MAP4K1: variants seen among roughly 807,000 people sequenced by gnomAD.
The protein encoded by MAP4K1 is MAPK/ERK kinase kinase kinase 1.
MAP4K1 carries 35 observed loss-of-function variants against 122.8 expected under a neutral mutation model. That is an observed-to-expected ratio of 0.29 (90% CI 0.22 to 0.38). MAP4K1 has a LOEUF of 0.38. Among genes scored for constraint, MAP4K1 ranks in the 10% least tolerant of loss-of-function variants. The pLI, the probability that MAP4K1 is intolerant of heterozygous loss-of-function variation, is 1.00. For missense variants in MAP4K1, 791 were observed against 1,072.6 expected, an observed-to-expected ratio of 0.74 and a Z score of 3.67; for synonymous variants, 412 against 421.3, an observed-to-expected ratio of 0.98 and a Z score of 0.27.
In MAP4K1 at chr19:38,605,658, G is replaced by A; in HGVS notation, c.1273C>T (p.Leu425=). The stretch of plus-strand genomic sequence containing the variant: ...GGGGGCCCACTGGCACACCGGACCA[G>A]CACCCCCGGGCTCAGCTGCCCATCA... ...GDDGQLSPGV[L]VRCASGPPPN... is the part of the protein sequence containing the mutation. Residue 425 remains leucine (L), a synonymous_variant, in exon 18 of 31, where the codon CTG becomes TTG. Coordinates refer to ENST00000396857, the MANE Select transcript of MAP4K1 (RefSeq NM_001042600.3). The A allele has an allele frequency of 1.9e-6, 3 of 1,604,682 alleles. No individual in the cohort carries two copies. Among genetic ancestry groups the A allele is most frequent in the Non-Finnish European group, 2.5e-6 (3 of 1,177,524 alleles).
In MAP4K1 at chr19:38,597,408, G is replaced by A; in HGVS notation, c.1779-24C>T. ...TCCTGGAGAATAGGTAGGTGTGAAG[G>A]GGGGTAGGACAGCAGGAGGCAGAGG... On this transcript the variant is annotated intron_variant, in intron 23 of 30. Transcript: ENST00000396857. This position sits in a 1 kb window ranked among gnomAD's most constrained non-coding sequence, Gnocchi z 4.6. 1.2e-6 allele frequency: 2 copies of A among 1,613,904 alleles called. No individual in the cohort carries two copies. Among genetic ancestry groups the A allele is most frequent in the Non-Finnish European group, 1.7e-6 (2 of 1,179,912 alleles).
chr19:38,596,881 C>T (rs992059048), intron 25 of MAP4K1, among the ~76,000 whole-genome samples, 153 bp downstream of exon 25: 63 of 152,260 alleles, frequency 4.1e-4, no homozygotes, highest in South Asian at 4.1e-4. Context: ...GACGAGGCTC[C>T]AAGCGCAGAC....
intron 30 of MAP4K1, among the ~76,000 whole-genome samples, chr19:38,592,107 A>G (rs139787620): frequency 0.013 from 1,923 of 152,174 alleles, 42 homozygotes; most frequent in African/African-American, 0.043. Flanking sequence ...CCCCGTCTCT[A>G]CAAAAAAATT....
chr19:38,615,824 AT>A (rs1301625151), intron 4 of MAP4K1, among the ~76,000 whole-genome samples: 1 of 151,936 alleles, frequency 6.6e-6, no homozygotes, highest in East Asian at 1.9e-4. Context: ...CGCCCGGCTA[AT>A]TTTTTGTATT....
chr19:38,602,831 T>G (rs559272846), intron 19 of MAP4K1, among the ~76,000 whole-genome samples: 1 of 149,206 alleles, frequency 6.7e-6, no homozygotes, highest in East Asian at 2.0e-4. Flanking sequence ...TGTACATATA[T>G]ACGCATATAC....
intron 29 of MAP4K1, among the ~76,000 whole-genome samples, chr19:38,594,317 A>G (rs1792287084): frequency 6.6e-6 from 1 of 152,076 alleles, no homozygotes; most frequent in African/African-American, 2.4e-5. Flanking sequence ...ACTGCACTTC[A>G]GCCTGGACAA....
chr19:38,591,791 C>T (rs973411117), intron 30 of MAP4K1, among the ~76,000 whole-genome samples: 1 of 151,624 alleles, frequency 6.6e-6, no homozygotes, highest in African/African-American at 2.4e-5. Context: ...GACAACATGG[C>T]GAAAGCCTGT....
chr19:38,609,812 C>T, intron 12 of MAP4K1, 97 bp downstream of exon 12: 1 of 1,324,938 alleles, frequency 7.5e-7, no homozygotes, highest in Non-Finnish European at 1.1e-6. Context: ...TCCCTGTTTT[C>T]CCCCTAAGAG....
In MAP4K1 at chr19:38,602,920, A is replaced by G. The variant is rs1050958908; in HGVS notation, c.1447-1395T>C. The stretch of plus-strand genomic sequence containing the variant: ...TACATATATACACACATGTACACAT[A>G]TACGCATATACATATATACACATAC... On this transcript the variant is annotated intron_variant, in intron 19 of 30. Transcript: ENST00000396857. Among the ~76,000 whole-genome samples, 3 of 149,074 alleles carry G rather than the reference A, an allele frequency of 2.0e-5. No homozygotes were observed. The Admixed American group carries it at 2.0e-4, about 10-fold the overall frequency.
chr19:38,609,482 T>C, intron 13 of MAP4K1, 114 bp downstream of exon 13: 1 of 898,538 alleles, frequency 1.1e-6, no homozygotes. Context: ...GTCTGGGGTC[T>C]CTTATAGGAT....
In MAP4K1 at chr19:38,597,644, A is replaced by G. The variant is rs375533499; in HGVS notation, c.1670-50T>C. On this transcript the variant is annotated intron_variant, in intron 22 of 30. Coordinates refer to ENST00000396857, the MANE Select transcript of MAP4K1 (RefSeq NM_001042600.3). The surrounding 1 kb of genome is among the most constrained non-coding windows in gnomAD (Gnocchi z 4.6). ...GAAGCAGGAAGTTATAGGATCCCAT[A>G]TACCACTTCCTTTCCTCCATCCCTT... 1 of 1,274,864 alleles carries G rather than the reference A, an allele frequency of 7.8e-7. No homozygotes were observed. The highest frequency in any genetic ancestry group is 1.1e-6 in the Non-Finnish European group (1 of 904,882). The allele number at this position is 1,274,864 out of a possible 1,614,324, so 79.0% of individuals were successfully genotyped here.
Position 38,610,030 on chromosome 19 carries a change from C to T in MAP4K1, c.811-5G>A, listed in dbSNP as rs370510091. ...AGGCTGGGATACCAGTTGATGCTGG[C>T]GGAGGGAAGAGGTGTCCGTATCCAG... On this transcript the variant is annotated splice_polypyrimidine_tract_variant and splice_region_variant and intron_variant, in intron 11 of 30. Transcript: ENST00000396857. 362 of 1,602,270 alleles carry T rather than the reference C, an allele frequency of 2.3e-4. No homozygotes were observed. Among genetic ancestry groups the T allele is most frequent in the Admixed American group, 3.8e-4 (23 of 59,934 alleles).
intron 22 of MAP4K1, among the ~76,000 whole-genome samples, chr19:38,599,001 A>G (rs1275845064): frequency 2.4e-5 from 3 of 124,812 alleles, no homozygotes; most frequent in Non-Finnish European, 4.8e-5. Context: ...CAACAGAGTG[A>G]GAGTCTATCT....
At position 38,617,167 on chromosome 19, in the gene MAP4K1, C is replaced by G. The variant is rs1192667966; in HGVS notation, c.248+187G>C. On this transcript the variant is annotated intron_variant, in intron 3 of 30. Coordinates refer to ENST00000396857, the MANE Select transcript of MAP4K1 (RefSeq NM_001042600.3). This position sits in a 1 kb window ranked among gnomAD's most constrained non-coding sequence, Gnocchi z 4.1. The stretch of plus-strand genomic sequence containing the variant: ...AGTCTGAGGCAGAGAATTGCTTGAA[C>G]CCAGGAGGCAGAGGTTGCAGTGAGC... Among the ~76,000 whole-genome samples the G allele has an allele frequency of 6.6e-6, 1 of 151,946 alleles. No individual in the cohort carries two copies. The highest frequency in any genetic ancestry group is 1.5e-5 in the Non-Finnish European group (1 of 67,990).
intron 12 of MAP4K1, 84 bp from the exon 13 acceptor site, chr19:38,609,758 A>G: frequency 2.2e-6 from 3 of 1,377,584 alleles, no homozygotes; most frequent in Non-Finnish European, 3.0e-6. Flanking sequence ...TCTCTCCTGT[A>G]ACCCTCTGGG....
rs35103992 is a variant in MAP4K1 at position 38,610,372 on chromosome 19, A to ATTTTTTTTTTTTTTT, written c.811-362_811-348dup. Among the ~76,000 whole-genome samples, 10 of 76,178 alleles carry ATTTTTTTTTTTTTTT rather than the reference A, an allele frequency of 1.3e-4. 2 individuals are homozygous for ATTTTTTTTTTTTTTT. Among genetic ancestry groups the ATTTTTTTTTTTTTTT allele is most frequent in the African/African-American group, 4.8e-4 (8 of 16,564 alleles). 50.0% of individuals were successfully genotyped at this position (76,178 alleles called of 152,430 possible). On this transcript the variant is annotated intron_variant, in intron 11 of 30. Transcript: ENST00000396857. ...AGGCTCGTGCCACCACGCCCAGCTA[A>ATTTTTTTTTTTTTTT]TTTTTTTTTTTTTTTTTTTTTTTTT... is the stretch of plus-strand genomic sequence containing the variant.
intron 6 of MAP4K1, 57 bp from the exon 7 acceptor site, chr19:38,614,142 C>T: frequency 1.2e-6 from 2 of 1,610,928 alleles, no homozygotes; most frequent in Non-Finnish European, 1.7e-6. Context: ...CCAGTGCTAG[C>T]CCACTCCGCC....
chr19:38,610,372 ATTTTTTTTT>A (rs35103992), intron 11 of MAP4K1, among the ~76,000 whole-genome samples: 9 of 76,196 alleles, frequency 1.2e-4, no homozygotes, highest in South Asian at 5.2e-4. Context: ...CGCCCAGCTA[ATTTTTTTTT>A]TTTTTTTTTT....
rs1006487524 is a variant in MAP4K1, at chr19:38,614,017, C to G, written c.460+26G>C. 4.3e-6 allele frequency: 7 copies of G among 1,612,304 alleles called. No homozygotes were observed. The African/African-American group carries it at 6.7e-5, about 15-fold the overall frequency. The stretch of plus-strand genomic sequence containing the variant: ...CGCTTCCGGCCCCCCAGTCAGCCCC[C>G]CTGCTCAACCCCCAGCCTTACTCAC... On this transcript the variant is annotated intron_variant, in intron 7 of 30. Transcript: ENST00000396857.
Sources: gnomAD v4.1 joint callset for allele counts (sites outside exome capture counted in the v4.1 genomes callset) on GRCh38, gnomAD v4.1.1 for gene constraint, Gnocchi (gnomAD v3.1) non-coding constraint, MANE v1.5 for transcripts, NCBI Gene and HGNC (gene_info 2026-07-23, HGNC 2026-07-21) for gene names.